Variants in NOL10 observed in about 807,000 individuals in gnomAD.
The protein encoded by NOL10 is nucleolar protein 10.
In NOL10, 58 loss-of-function variants were observed where a neutral mutation model predicts 103.5. The ratio of observed to expected loss-of-function variants is 0.56; its 90% CI spans 0.45 to 0.70. The LOEUF (loss-of-function observed/expected upper bound fraction) is 0.70, where lower values mean the gene tolerates loss of function less well. Among genes scored for constraint, NOL10 ranks in the 30% least tolerant of loss-of-function variants. The pLI is 0.00. For synonymous variants in NOL10, 287 were observed against 282.5 expected, an observed-to-expected ratio of 1.02 and a Z score of -0.16; for missense variants, 763 against 807.3, an observed-to-expected ratio of 0.95 and a Z score of 0.67.
chr2:10,608,850 G>A (rs550560000), intron 13 of NOL10, among the ~76,000 whole-genome samples: 15 of 152,104 alleles, frequency 9.9e-5, no homozygotes, highest in African/African-American at 3.6e-4. Flanking sequence ...AAAAAAACTC[G>A]AGCATATATA....
At chr2:10,683,211 T>C (rs949379382) in intron 2 of NOL10, among the ~76,000 whole-genome samples, 2 of 152,150 alleles carry the variant, frequency 1.3e-5, no homozygotes, top group Non-Finnish European at 2.9e-5. Context: ...AAACAAAATA[T>C]ATGGGAAAAT....
intron 20 of NOL10, among the ~76,000 whole-genome samples, chr2:10,574,942 T>C (rs1057281985): frequency 6.6e-6 from 1 of 152,236 alleles, no homozygotes; most frequent in African/African-American, 2.4e-5. Context: ...CAAATTTCCA[T>C]GCAGAAAAAG....
intron 5 of NOL10, 99 bp from the exon 6 acceptor site, chr2:10,671,789 C>T: frequency 1.3e-6 from 1 of 798,874 alleles, no homozygotes. Flanking sequence ...ACCCTTACCT[C>T]TCTCTCACTT....
At chr2:10,630,569 G>A (rs1387901448) in intron 13 of NOL10, among the ~76,000 whole-genome samples, 4 of 152,068 alleles carry the variant, frequency 2.6e-5, no homozygotes, top group African/African-American at 4.8e-5. Flanking sequence ...AAAATTAGTC[G>A]GGCATGGTGG....
At position 10,572,101 on chromosome 2, in the gene NOL10, T is replaced by C. The variant is rs746352820; in HGVS notation, c.2037A>G (p.Ser679=). The part of the protein sequence containing the change: ...RLRRSAGHLK[S]RHKRGRSFH ...GAAACGACCGTCCTCTTTTGTGTCT[T>C]GACTTCAGGTGTCCGGCCGAACGAC... The change falls in exon 21 of 21, where the codon TCA becomes TCG. Residue 679 remains serine (S), a synonymous_variant. Coordinates refer to ENST00000381685, the MANE Select transcript of NOL10 (RefSeq NM_024894.4). The C allele has an allele frequency of 1.2e-6, 2 of 1,613,854 alleles. No homozygotes were observed. The highest frequency in any genetic ancestry group is 1.7e-6 in the Non-Finnish European group (2 of 1,179,904).
intron 17 of NOL10, among the ~76,000 whole-genome samples, chr2:10,596,156 G>A (rs761535631): frequency 3.5e-4 from 52 of 148,748 alleles, no homozygotes; most frequent in Non-Finnish European, 6.2e-4. Flanking sequence ...TCTCTTCCAT[G>A]GGTTCCTAAC....
rs1466944811 is a variant in NOL10 at position 10,648,564 on chromosome 2, G to C, written c.974-4192C>G. Among the ~76,000 whole-genome samples the C allele has an allele frequency of 3.3e-5, 5 of 152,164 alleles. No individual in the cohort carries two copies. In the South Asian group the frequency reaches 8.3e-4, roughly 25 times the overall value. ...ACATCATGCTTAAAGTTGCTGGTTT[G>C]CAAGAAACTGTACTTTGTAATGACG... is the stretch of plus-strand genomic sequence containing the variant. On this transcript the variant is annotated intron_variant, in intron 12 of 20. Transcript: ENST00000381685.
chr2:10,578,943 T>G (rs1674611061), intron 19 of NOL10, among the ~76,000 whole-genome samples: 1 of 152,190 alleles, frequency 6.6e-6, no homozygotes, highest in Non-Finnish European at 1.5e-5. Flanking sequence ...AATGCAGCCC[T>G]TTAAAGTGAT....
At chr2:10,633,608 T>C (rs114779397) in intron 13 of NOL10, among the ~76,000 whole-genome samples, 4,931 of 151,910 alleles carry the variant, frequency 0.032, 282 homozygotes, top group African/African-American at 0.11. Flanking sequence ...TCTTTGTAAA[T>C]AGATTAATGC....
Position 10,659,257 on chromosome 2 carries a change from A to G in NOL10, c.678-7T>C. ...TGTTGGTAAACTGTTTATCCTGAAA[A>G]GCAAAATATTCATGCTTCATGAATA... On this transcript the variant is annotated splice_region_variant and splice_polypyrimidine_tract_variant and intron_variant, in intron 9 of 20. Coordinates refer to ENST00000381685, the MANE Select transcript of NOL10 (RefSeq NM_024894.4). The G allele has an allele frequency of 6.4e-7, 1 of 1,568,910 alleles. No homozygotes were observed. The highest frequency in any genetic ancestry group is 8.7e-7 in the Non-Finnish European group (1 of 1,151,252).
At chr2:10,609,420 T>C in intron 13 of NOL10, among the ~76,000 whole-genome samples, 1 of 92,540 alleles carries the variant, frequency 1.1e-5, no homozygotes, top group Non-Finnish European at 2.1e-5. Flanking sequence ...ACCCTGTCTG[T>C]ACTAAAAATA....
intron 1 of NOL10, among the ~76,000 whole-genome samples, chr2:10,685,678 G>A (rs1682147890): frequency 6.6e-6 from 1 of 151,974 alleles, no homozygotes; most frequent in African/African-American, 2.4e-5. Flanking sequence ...AGCTGAAAAT[G>A]AAAATTAACT....
In NOL10 at chr2:10,572,121, A is replaced by C. The variant is rs1674209791; in HGVS notation, c.2017T>G (p.Ser673Ala). 1.2e-6 allele frequency: 2 copies of C among 1,613,898 alleles called. No homozygotes were observed. Among genetic ancestry groups the C allele is most frequent in the South Asian group, 2.2e-5 (2 of 91,086 alleles). The change falls in exon 21 of 21, where the codon TCG (serine) becomes GCG (alanine). Residue 673 changes from serine to alanine, a missense_variant. Coordinates refer to ENST00000381685, the MANE Select transcript of NOL10 (RefSeq NM_024894.4). ...TGTCTTGACTTCAGGTGTCCGGCCG[A>C]ACGACGGAGTCTTTTCCTTTCTTGT... ...HRQERKRLRR[S>A]AGHLKSRHKR...
intron 8 of NOL10, among the ~76,000 whole-genome samples, chr2:10,664,998 T>C (rs1223155701): frequency 6.6e-6 from 1 of 152,206 alleles, no homozygotes; most frequent in Non-Finnish European, 1.5e-5. Context: ...TTTGTAATGA[T>C]AAAACAAAAA....
chr2:10,607,035 A>C, intron 14 of NOL10, 150 bp downstream of exon 14: 2 of 465,556 alleles, frequency 4.3e-6, no homozygotes, highest in Non-Finnish European at 7.2e-6. Context: ...CAAATCTGAC[A>C]ATTTATAATA....
intron 1 of NOL10, among the ~76,000 whole-genome samples, chr2:10,685,095 G>A (rs1432928228): frequency 6.6e-6 from 1 of 152,142 alleles, no homozygotes; most frequent in Non-Finnish European, 1.5e-5. Flanking sequence ...AATATTATGG[G>A]TTATAACTAA....
At chr2:10,640,291 C>T (rs1206978636) in intron 13 of NOL10, among the ~76,000 whole-genome samples, 3 of 152,196 alleles carry the variant, frequency 2.0e-5, no homozygotes, top group Non-Finnish European at 4.4e-5. Flanking sequence ...TGGGCTCTCC[C>T]TTTGCTTTGA....
intron 13 of NOL10, among the ~76,000 whole-genome samples, chr2:10,637,062 T>A (rs574110783): frequency 2.8e-3 from 429 of 151,086 alleles, no homozygotes; most frequent in African/African-American, 0.01. Flanking sequence ...ATTAGTCAGG[T>A]GTGGTGGTGC....
At chr2:10,681,860 T>C (rs945708201) in intron 3 of NOL10, 111 bp downstream of exon 3, 5 of 427,712 alleles carry the variant, frequency 1.2e-5, no homozygotes, top group Non-Finnish European at 2.0e-5. Context: ...TATTTCTGTG[T>C]GTTTGAAATT....
Sources: allele counts gnomAD v4.1 joint callset (sites outside exome capture counted in the v4.1 genomes callset), GRCh38; gene constraint gnomAD v4.1.1; transcripts MANE v1.5; gene names NCBI Gene and HGNC (gene_info 2026-07-23, HGNC 2026-07-21).